Variants in CNTNAP2 observed in about 807,000 individuals in gnomAD.
CNTNAP2 encodes the protein contactin-associated protein-like 2.
In CNTNAP2, 98 loss-of-function variants were observed where a neutral mutation model predicts 155.2. The observed-to-expected ratio is 0.63, with a 90% CI of 0.54 to 0.75. CNTNAP2 has a LOEUF of 0.75. CNTNAP2 is among the 30% of genes least tolerant of loss of function. The pLI is 0.00. For synonymous variants in CNTNAP2, 651 were observed against 631.2 expected, an observed-to-expected ratio of 1.03 and a Z score of -0.47; for missense variants, 1,727 against 1,688.1, an observed-to-expected ratio of 1.02 and a Z score of -0.40.
intron 3 of CNTNAP2, among the ~76,000 whole-genome samples, chr7:146,875,674 C>CT (rs1562982835): frequency 1.3e-5 from 2 of 151,172 alleles, no homozygotes; most frequent in East Asian, 2.0e-4. Flanking sequence ...TTGCTTTTGG[C>CT]GGGGGGGCAA....
chr7:146,174,829 C>T (rs1240807961), intron 1 of CNTNAP2, among the ~76,000 whole-genome samples: 3 of 151,978 alleles, frequency 2.0e-5, no homozygotes, highest in East Asian at 2.0e-4. Flanking sequence ...GGCGGCAGAG[C>T]GAGACTCATC....
chr7:147,775,289 A>ATT (rs1563084447), intron 13 of CNTNAP2, among the ~76,000 whole-genome samples: 1 of 57,976 alleles, frequency 1.7e-5, no homozygotes, highest in African/African-American at 1.3e-4. Flanking sequence ...TTATAAATAT[A>ATT]TATATTTATA....
intron 1 of CNTNAP2, among the ~76,000 whole-genome samples, chr7:146,149,668 C>A (rs1233761823): frequency 6.6e-6 from 1 of 151,928 alleles, no homozygotes; most frequent in African/African-American, 2.4e-5. Context: ...ATTGTTTTAA[C>A]CACCAGACCT....
chr7:146,324,414 C>T (rs887043214), intron 1 of CNTNAP2, among the ~76,000 whole-genome samples: 2 of 152,166 alleles, frequency 1.3e-5, no homozygotes, highest in Non-Finnish European at 2.9e-5. Context: ...GACACATCAT[C>T]GGTGGTAGTT....
At chr7:148,125,980 G>A (rs946260691) in intron 16 of CNTNAP2, among the ~76,000 whole-genome samples, 6 of 151,998 alleles carry the variant, frequency 3.9e-5, no homozygotes, top group African/African-American at 1.2e-4. Context: ...TGGGATTATA[G>A]GTATAAGCTA....
intron 3 of CNTNAP2, among the ~76,000 whole-genome samples, chr7:146,957,625 AC>A (rs1797463807): frequency 6.6e-6 from 1 of 152,206 alleles, no homozygotes; most frequent in Admixed American, 6.5e-5. Context: ...AGTGATAGAA[AC>A]AATGGCAGTC....
intron 1 of CNTNAP2, among the ~76,000 whole-genome samples, chr7:146,458,585 T>A (rs747245903): frequency 2.6e-5 from 4 of 152,184 alleles, no homozygotes; most frequent in South Asian, 2.1e-4. Context: ...TACATATACA[T>A]ACATACAAAT....
chr7:147,541,846 C>A (rs940181968), intron 11 of CNTNAP2, among the ~76,000 whole-genome samples: 1 of 152,126 alleles, frequency 6.6e-6, no homozygotes, highest in Admixed American at 6.5e-5. Flanking sequence ...ATATGTGCCC[C>A]ACTTAATCAT....
intron 1 of CNTNAP2, among the ~76,000 whole-genome samples, chr7:146,622,892 G>A (rs1799352672): frequency 6.6e-6 from 1 of 151,358 alleles, no homozygotes; most frequent in Non-Finnish European, 1.5e-5. Flanking sequence ...GGCCAGCGGA[G>A]GTTGCAGTGA....
chr7:146,302,716 C>T (rs1800632449), intron 1 of CNTNAP2, among the ~76,000 whole-genome samples: 1 of 152,080 alleles, frequency 6.6e-6, no homozygotes, highest in Non-Finnish European at 1.5e-5. Context: ...TGGGTCAAAC[C>T]ATACAATTCC....
chr7:148,394,045 A>C (rs1218469900), intron 22 of CNTNAP2, among the ~76,000 whole-genome samples: 1 of 151,900 alleles, frequency 6.6e-6, no homozygotes, highest in Non-Finnish European at 1.5e-5. Flanking sequence ...AAGTTACTAA[A>C]TTTTACATGG....
intron 1 of CNTNAP2, among the ~76,000 whole-genome samples, chr7:146,246,216 C>T (rs932490547): frequency 4.6e-5 from 7 of 150,552 alleles, no homozygotes; most frequent in African/African-American, 9.9e-5. Flanking sequence ...GTAGAAGTAT[C>T]TTATACTTGT....
chr7:147,773,123 T>G (rs73458236), intron 13 of CNTNAP2, among the ~76,000 whole-genome samples: 433 of 152,314 alleles, frequency 2.8e-3, no homozygotes, highest in African/African-American at 0.01. Context: ...CTAGCATGCA[T>G]AGGATCTTTT....
At chr7:146,338,800 A>C (rs929960432) in intron 1 of CNTNAP2, among the ~76,000 whole-genome samples, 1 of 152,202 alleles carries the variant, frequency 6.6e-6, no homozygotes, top group East Asian at 1.9e-4. Context: ...CTATCAGTTT[A>C]AAATAGCCTG....
At chr7:147,234,228 A>G (rs1374071503) in intron 8 of CNTNAP2, among the ~76,000 whole-genome samples, 1 of 152,026 alleles carries the variant, frequency 6.6e-6, no homozygotes, top group Non-Finnish European at 1.5e-5. Flanking sequence ...ACATTATTCT[A>G]CATATCCAGA....
intron 1 of CNTNAP2, among the ~76,000 whole-genome samples, chr7:146,468,418 C>T (rs1300428130): frequency 4.0e-5 from 6 of 151,228 alleles, no homozygotes; most frequent in Admixed American, 4.0e-4. Context: ...ACATGTGCCA[C>T]CTGAATCTAA....
intron 1 of CNTNAP2, among the ~76,000 whole-genome samples, chr7:146,157,984 C>T (rs1798155161): frequency 1.3e-5 from 2 of 152,174 alleles, no homozygotes; most frequent in Admixed American, 1.3e-4. Context: ...AGACACCTCC[C>T]AGTAGGGGCC....
chr7:146,877,499 TG>T (rs1174605403), intron 3 of CNTNAP2, among the ~76,000 whole-genome samples: 4 of 151,696 alleles, frequency 2.6e-5, no homozygotes, highest in African/African-American at 9.7e-5. Flanking sequence ...AACAAGAGCC[TG>T]TCTGTAAAAT....
At position 146,990,155 on chromosome 7, in the gene CNTNAP2, G is replaced by C. The variant is rs1584769431; in HGVS notation, c.403-53752G>C. ...AATGTACAATGATATTTGAACTTCT[G>C]TGGACTTGTTCTTATGAGTAACATC... is the stretch of plus-strand genomic sequence containing the variant. On this transcript the variant is annotated intron_variant, in intron 3 of 23. Transcript: ENST00000361727. Among the ~76,000 whole-genome samples, 4 of 152,134 alleles carry C rather than the reference G, an allele frequency of 2.6e-5. No homozygotes were observed. In the South Asian group the frequency reaches 8.3e-4, roughly 31 times the overall value.
Sources: gnomAD v4.1 joint callset for allele counts (sites outside exome capture counted in the v4.1 genomes callset) on GRCh38, gnomAD v4.1.1 for gene constraint, MANE v1.5 for transcripts, NCBI Gene and HGNC (gene_info 2026-07-23, HGNC 2026-07-21) for gene names.